The following DIS3L2 variants were observed in gnomAD, a reference collection of about 807,000 sequenced individuals.
The protein encoded by DIS3L2 is DIS3-like exonuclease 2.
In DIS3L2, 34 loss-of-function variants were observed where a neutral mutation model predicts 97.5. That is an observed-to-expected ratio of 0.35 (90% CI 0.27 to 0.46). The LOEUF (loss-of-function observed/expected upper bound fraction) is 0.46. DIS3L2 is among the 20% of genes least tolerant of loss of function. DIS3L2 has a pLI of 1.00. For synonymous variants in DIS3L2, 435 were observed against 445.2 expected, an observed-to-expected ratio of 0.98 and a Z score of 0.29; for missense variants, 1,038 against 1,146.0, an observed-to-expected ratio of 0.91 and a Z score of 1.36.
At position 232,263,353 on chromosome 2, in the gene DIS3L2, G is replaced by A; in HGVS notation, c.1572G>A (p.Glu524=). ...TTTCCCCAGAGCATAGCAGCGAGGA[G>A]GTACACCAGGCCGTCTTGAATCTCC... The part of the protein sequence containing the change: ...PPISPEHSSE[E]VHQAVLNLHG... Residue 524 remains glutamate (E), a synonymous_variant, in exon 13 of 21, where the codon GAG becomes GAA. Coordinates refer to ENST00000325385, the MANE Select transcript of DIS3L2 (RefSeq NM_152383.5). 2 of 1,614,162 alleles carry A rather than the reference G, an allele frequency of 1.2e-6. No homozygotes were observed. The highest frequency in any genetic ancestry group is 2.7e-5 in the African/African-American group (2 of 75,042).
chr2:232,312,108 C>T (rs963209640), intron 14 of DIS3L2, among the ~76,000 whole-genome samples: 4 of 152,164 alleles, frequency 2.6e-5, no homozygotes, highest in Admixed American at 1.3e-4. Flanking sequence ...GTTGCTTATA[C>T]ATGTTGCAAA....
chr2:232,154,947 G>T (rs1690441295), intron 8 of DIS3L2, among the ~76,000 whole-genome samples: 1 of 123,232 alleles, frequency 8.1e-6, no homozygotes, highest in Non-Finnish European at 1.7e-5. Context: ...CAATATTCGG[G>T]TGGGAGTGAC....
downstream of DIS3L2, among the ~76,000 whole-genome samples, chr2:232,337,834 C>T (rs3885848): frequency 0.35 from 52,631 of 148,940 alleles, 13,901 homozygotes; most frequent in African/African-American, 0.73. Flanking sequence ...CTGCCTTTGT[C>T]CTGCCACCGT....
Position 232,136,633 on chromosome 2 carries a change from C to G in DIS3L2, c.864C>G (p.Asp288Glu). ...TGCCTCTCAAGGACTGTCCCCAGGA[C>G]TTTGTGGCACGGCCTAAAGATTATG... Reference protein sequence around the residue: ...IYVPLKDCPQDFVARPKDYAN... With the variant: ...IYVPLKDCPQEFVARPKDYAN... The change falls in exon 8 of 21, where the codon GAC (aspartate) becomes GAG (glutamate). Residue 288 changes from aspartate to glutamate, a missense_variant. By Grantham distance (45) the Asp-to-Glu change is conservative (BLOSUM62 2). Around this residue, in one of 3 missense-constraint regions of DIS3L2, gnomAD observed 813 missense variants for 880.1 expected, o/e 0.92. Coordinates refer to ENST00000325385, the MANE Select transcript of DIS3L2 (RefSeq NM_152383.5). 1 of 1,613,882 alleles carries G rather than the reference C, an allele frequency of 6.2e-7. No individual in the cohort carries two copies. Among genetic ancestry groups the G allele is most frequent in the Non-Finnish European group, 8.5e-7 (1 of 1,179,946 alleles).
intron 14 of DIS3L2, among the ~76,000 whole-genome samples, chr2:232,317,166 C>T (rs1192043554): frequency 6.6e-6 from 1 of 152,200 alleles, no homozygotes; most frequent in Non-Finnish European, 1.5e-5. Flanking sequence ...GTGTGAAAGG[C>T]TTTCCTCGCC....
At chr2:232,344,041 A>G (rs1696169693) in exon 14 of DIS3L2, 1 of 155,294 alleles carries the variant, frequency 6.4e-6, no homozygotes, top group Non-Finnish European at 1.4e-5. Context: ...ACTGTAGGAG[A>G]AGACGCATTG....
Position 232,014,937 on chromosome 2 carries a change from C to T in DIS3L2, c.10C>T (p.Pro4Ser). The change falls in exon 2 of 21, where the codon CCT (proline) becomes TCT (serine). Residue 4 changes from proline (P) to serine (S), a missense_variant. Around this residue, in one of 3 missense-constraint regions of DIS3L2, gnomAD observed 813 missense variants for 880.1 expected, o/e 0.92. Transcript: ENST00000325385. Reference protein sequence around the residue: MSHPDYRMNLRPLG... With the variant: MSHSDYRMNLRPLG... ...GACCTTGGAGCCAATAATGAGCCAT[C>T]CTGACTACAGAATGAACCTCCGGCC... 1 of 1,613,978 alleles carries T rather than the reference C, an allele frequency of 6.2e-7. No individual in the cohort carries two copies. Among genetic ancestry groups the T allele is most frequent in the Non-Finnish European group, 8.5e-7 (1 of 1,179,922 alleles).
At chr2:232,286,028 T>G (rs1694420575) in intron 13 of DIS3L2, among the ~76,000 whole-genome samples, 1 of 152,258 alleles carries the variant, frequency 6.6e-6, no homozygotes, top group Non-Finnish European at 1.5e-5. Flanking sequence ...GTATCCAGAC[T>G]GTCAGAAGCC....
At chr2:232,154,210 A>G (rs1189331302) in intron 8 of DIS3L2, among the ~76,000 whole-genome samples, 4 of 22,164 alleles carry the variant, frequency 1.8e-4, no homozygotes, top group African/African-American at 7.8e-4. Flanking sequence ...GCTCGTCAAA[A>G]TCATTCTCCA....
At chr2:232,220,579 C>T (rs1343535874) in intron 10 of DIS3L2, among the ~76,000 whole-genome samples, 2 of 151,870 alleles carry the variant, frequency 1.3e-5, no homozygotes, top group African/African-American at 2.4e-5. Flanking sequence ...TGGTGGCACG[C>T]GCCTGTAATC....
chr2:232,295,733 C>T (rs748808513), intron 13 of DIS3L2, among the ~76,000 whole-genome samples: 3 of 152,164 alleles, frequency 2.0e-5, no homozygotes, highest in Non-Finnish European at 4.4e-5. Flanking sequence ...GCTTTCTATT[C>T]GTTTTTCAAC....
intron 14 of DIS3L2, among the ~76,000 whole-genome samples, chr2:232,303,427 C>A (rs1486243308): frequency 6.6e-6 from 1 of 152,198 alleles, no homozygotes; most frequent in Non-Finnish European, 1.5e-5. Flanking sequence ...AACATGAAGA[C>A]AATACCAGCA....
chr2:232,338,076 G>T (rs1379620611), downstream of DIS3L2, among the ~76,000 whole-genome samples: 1 of 152,010 alleles, frequency 6.6e-6, no homozygotes, highest in African/African-American at 2.4e-5. Flanking sequence ...TGGTGTTGGG[G>T]TGGAGAAGGC....
chr2:232,329,883 C>G lies in DIS3L2; in HGVS notation c.1810C>G (p.Gln604Glu). ...CAAGATCCACCGCGCCTTCCCCGAG[C>G]AGGCCCTGCTGCGCCGGCACCCCCC... ...AHKIHRAFPE[Q>E]ALLRRHPPPQ... is the part of the protein sequence containing the mutation. The change falls in exon 15 of 21, where the codon CAG becomes GAG. Residue 604 changes from glutamine (Q) to glutamate (E), a missense_variant. By Grantham distance (29) the Gln-to-Glu change is conservative (BLOSUM62 2). Transcript: ENST00000325385. The G allele has an allele frequency of 1.2e-6, 2 of 1,611,836 alleles. No homozygotes were observed. The highest frequency in any genetic ancestry group is 1.3e-5 in the African/African-American group (1 of 74,896).
At chr2:232,074,998 T>C (rs1461944953) in intron 5 of DIS3L2, among the ~76,000 whole-genome samples, 1 of 152,218 alleles carries the variant, frequency 6.6e-6, no homozygotes, top group African/African-American at 2.4e-5. Flanking sequence ...GAGCTGGGTC[T>C]TGAATTTTGA....
Position 232,281,501 on chromosome 2 carries a change from A to T in DIS3L2, c.1659+18061A>T, listed in dbSNP as rs981493262. Among the ~76,000 whole-genome samples the T allele has an allele frequency of 6.6e-6, 1 of 152,176 alleles. No individual in the cohort carries two copies. Among genetic ancestry groups the T allele is most frequent in the South Asian group, 2.1e-4 (1 of 4,830 alleles). On this transcript the variant is annotated intron_variant, in intron 13 of 20. Transcript: ENST00000325385. The surrounding 1 kb of genome is among the most constrained non-coding windows in gnomAD (Gnocchi z 4.1). ...GGGATGGGACCTCTTTTTTAGAAAG[A>T]TCTCTTTGGCAGCTCTGTAGAGAAT...
intron 9 of DIS3L2, among the ~76,000 whole-genome samples, chr2:232,181,307 G>T (rs1559708944): frequency 6.6e-6 from 1 of 151,940 alleles, no homozygotes; most frequent in Non-Finnish European, 1.5e-5. Context: ...TGCTCTTCTC[G>T]AGGAGTATCT....
intron 5 of DIS3L2, 70 bp from the exon 6 acceptor site, chr2:232,087,417 A>G (rs1204218339): frequency 1.4e-5 from 17 of 1,236,718 alleles, no homozygotes; most frequent in Middle Eastern, 2.2e-4. Flanking sequence ...TCTTCCTTAG[A>G]AAAGAAAAAT....
At chr2:232,288,337 G>A (rs1267561692) in intron 13 of DIS3L2, among the ~76,000 whole-genome samples, 5 of 152,194 alleles carry the variant, frequency 3.3e-5, no homozygotes, top group Non-Finnish European at 7.3e-5. Flanking sequence ...TGTGAGCACT[G>A]GCTCTTCTGA....
Sources: allele counts gnomAD v4.1 joint callset (sites outside exome capture counted in the v4.1 genomes callset), GRCh38; gene constraint gnomAD v4.1.1; regional missense constraint gnomAD v4.1.1; non-coding constraint Gnocchi (gnomAD v3.1); transcripts MANE v1.5; gene names NCBI Gene and HGNC (gene_info 2026-07-23, HGNC 2026-07-21).